HS3ST5: variants seen among roughly 807,000 people sequenced by gnomAD.
HS3ST5 encodes heparan sulfate-glucosamine 3-sulfotransferase 5, also known as heparan sulfate glucosamine 3-O-sulfotransferase 5.
A neutral mutation model predicts 25.4 loss-of-function variants in HS3ST5; 10 were observed. The ratio of observed to expected loss-of-function variants is 0.39; its 90% CI spans 0.24 to 0.67. The LOEUF is 0.67. HS3ST5 is among the 30% of genes least tolerant of loss of function. The pLI, the probability that HS3ST5 is intolerant of heterozygous loss-of-function variation, is 0.44. For missense variants in HS3ST5, 324 were observed against 420.7 expected, an observed-to-expected ratio of 0.77 and a Z score of 2.01; for synonymous variants, 170 against 162.4, an observed-to-expected ratio of 1.05 and a Z score of -0.36.
At chr6:114,248,218 AT>A (rs773786404) in intron 1 of HS3ST5, among the ~76,000 whole-genome samples, 3,183 of 99,834 alleles carry the variant, frequency 0.032, 96 homozygotes, top group African/African-American at 0.081. Flanking sequence ...GAAAAAAAAA[AT>A]ATATATATAT....
At chr6:114,192,150 G>C (rs1224938362) in intron 2 of HS3ST5, among the ~76,000 whole-genome samples, 1 of 152,158 alleles carries the variant, frequency 6.6e-6, no homozygotes, top group Non-Finnish European at 1.5e-5. Context: ...TTAAAACATG[G>C]AGAAATGTTT....
At position 114,093,353 on chromosome 6, in the gene HS3ST5, T is replaced by TGTG. The variant is rs1775234156; in HGVS notation, c.-32-30477_-32-30476insCAC. Among the ~76,000 whole-genome samples, 118 of 134,324 alleles carry TGTG rather than the reference T, an allele frequency of 8.8e-4. 1 individual carries two copies. Among genetic ancestry groups the TGTG allele is most frequent in the Non-Finnish European group, 2.1e-4 (13 of 61,158 alleles). The allele number at this position is 134,324 out of a possible 152,430, so 88.1% of individuals were successfully genotyped here. A position where few individuals can be genotyped will look rare whatever the true frequency, so the allele number is the denominator to read the frequency against. On this transcript the variant is annotated intron_variant, in intron 3 of 4. Coordinates refer to ENST00000312719, the MANE Select transcript of HS3ST5 (RefSeq NM_153612.4). ...CCTTGTATCTTTTTTGTTTGTTTGT[T>TGTG]TGTGTGTGTGTGTGTGTGTGTGTGT...
intron 1 of HS3ST5, among the ~76,000 whole-genome samples, chr6:114,230,916 C>T (rs1260844405): frequency 6.6e-6 from 1 of 152,060 alleles, no homozygotes; most frequent in Non-Finnish European, 1.5e-5. Flanking sequence ...AAGCACTGAT[C>T]TCATTGGATC....
chr6:114,085,934 G>GCCCC (rs377436068), intron 3 of HS3ST5, among the ~76,000 whole-genome samples: 26 of 98,880 alleles, frequency 2.6e-4, no homozygotes, highest in East Asian at 3.8e-4. Context: ...TAAATTCATT[G>GCCCC]CCCCCCCCCC....
At chr6:114,240,759 C>G (rs1010447978) in intron 1 of HS3ST5, among the ~76,000 whole-genome samples, 1 of 152,116 alleles carries the variant, frequency 6.6e-6, no homozygotes, top group Non-Finnish European at 1.5e-5. Context: ...AACAGCATCT[C>G]GGAGCTTAAA....
chr6:114,240,524 C>T (rs1186895546), intron 1 of HS3ST5, among the ~76,000 whole-genome samples: 2 of 152,092 alleles, frequency 1.3e-5, no homozygotes, highest in Non-Finnish European at 2.9e-5. Flanking sequence ...AAAGTTAACT[C>T]GAAGGGGTCC....
At chr6:114,313,838 G>A (rs1775638729) in intron 1 of HS3ST5, among the ~76,000 whole-genome samples, 1 of 152,130 alleles carries the variant, frequency 6.6e-6, no homozygotes, top group African/African-American at 2.4e-5. Flanking sequence ...TCAGATGCTT[G>A]GATATGAGAA....
chr6:114,308,632 C>A (rs1775401219), intron 1 of HS3ST5, among the ~76,000 whole-genome samples: 1 of 152,030 alleles, frequency 6.6e-6, no homozygotes, highest in South Asian at 2.1e-4. Context: ...GCTCACTGAA[C>A]ATTTGAGTAG....
chr6:114,137,571 C>T (rs1328102113), intron 3 of HS3ST5, among the ~76,000 whole-genome samples: 1 of 152,112 alleles, frequency 6.6e-6, no homozygotes, highest in African/African-American at 2.4e-5. Flanking sequence ...GGACCTTTTT[C>T]AGGTGTCCAT....
chr6:114,098,801 TTAAA>T (rs1044496469), intron 3 of HS3ST5, among the ~76,000 whole-genome samples: 1 of 151,998 alleles, frequency 6.6e-6, no homozygotes, highest in Non-Finnish European at 1.5e-5. Flanking sequence ...TAAAAAGTGA[TTAAA>T]TAATTTAATG....
chr6:114,201,402 A>G (rs1034860132), intron 2 of HS3ST5, among the ~76,000 whole-genome samples: 3 of 152,120 alleles, frequency 2.0e-5, no homozygotes, highest in African/African-American at 4.8e-5. Flanking sequence ...TGTTATTCCA[A>G]TAGTCGTTTA....
intron 3 of HS3ST5, among the ~76,000 whole-genome samples, chr6:114,142,013 C>T (rs1421332980): frequency 6.6e-6 from 1 of 151,720 alleles, no homozygotes; most frequent in Non-Finnish European, 1.5e-5. Context: ...TTCCTCATTT[C>T]CTACAGCTGG....
chr6:114,267,563 C>T (rs992173669), intron 1 of HS3ST5, among the ~76,000 whole-genome samples: 1 of 152,234 alleles, frequency 6.6e-6, no homozygotes. Flanking sequence ...TTCCTAGAAT[C>T]GGGGTAGCAT....
chr6:114,118,736 G>C (rs1225635761), intron 3 of HS3ST5, among the ~76,000 whole-genome samples: 2 of 152,172 alleles, frequency 1.3e-5, no homozygotes, highest in Non-Finnish European at 1.5e-5. Flanking sequence ...TGGTAGGAGA[G>C]TATTTCTCCA....
At chr6:114,168,835 C>T (rs1322472633) in intron 2 of HS3ST5, among the ~76,000 whole-genome samples, 1 of 152,094 alleles carries the variant, frequency 6.6e-6, no homozygotes, top group Non-Finnish European at 1.5e-5. Flanking sequence ...AGTTATTCTC[C>T]TTTAAAATGT....
intron 3 of HS3ST5, among the ~76,000 whole-genome samples, chr6:114,163,763 A>G (rs934829703): frequency 6.6e-6 from 1 of 152,180 alleles, no homozygotes; most frequent in Admixed American, 6.5e-5. Context: ...TACTTAACTA[A>G]TTAATTAATG....
At chr6:114,117,186 T>G (rs1311807212) in intron 3 of HS3ST5, among the ~76,000 whole-genome samples, 1 of 152,182 alleles carries the variant, frequency 6.6e-6, no homozygotes, top group Non-Finnish European at 1.5e-5. Flanking sequence ...AATAGCTCAT[T>G]CCTTTTACTT....
chr6:114,207,432 C>G (rs887465534), intron 2 of HS3ST5, among the ~76,000 whole-genome samples: 2 of 152,090 alleles, frequency 1.3e-5, no homozygotes, highest in Admixed American at 6.6e-5. Context: ...ACAATACTAT[C>G]TCTGCTACAG....
chr6:114,306,604 A>G (rs1199610701), intron 1 of HS3ST5, among the ~76,000 whole-genome samples: 3 of 152,086 alleles, frequency 2.0e-5, no homozygotes, highest in Non-Finnish European at 4.4e-5. Flanking sequence ...GACTAAAAAC[A>G]TTCTCAATAT....
Sources: allele counts gnomAD v4.1 joint callset (sites outside exome capture counted in the v4.1 genomes callset), GRCh38; gene constraint gnomAD v4.1.1; transcripts MANE v1.5; gene names NCBI Gene and HGNC (gene_info 2026-07-23, HGNC 2026-07-21).